ADGRL4: variants seen among roughly 807,000 people sequenced by gnomAD.
The protein encoded by ADGRL4 is adhesion G protein-coupled receptor L4.
A neutral mutation model predicts 74.8 loss-of-function variants in ADGRL4; 90 were observed. The observed-to-expected ratio is 1.20, with a 90% CI of 1.02 to 1.43. The LOEUF (loss-of-function observed/expected upper bound fraction) is 1.43, where lower values mean the gene tolerates loss of function less well. ADGRL4 is among the 40% of genes most tolerant of loss of function. ADGRL4 has a pLI of 0.00. For missense variants in ADGRL4, 881 were observed against 814.3 expected (o/e 1.08, Z -1.00); for synonymous variants, 311 against 279.2 (o/e 1.11, Z -1.14).
chr1:78,931,075 T>C (rs1204282264), intron 7 of ADGRL4, among the ~76,000 whole-genome samples: 1 of 151,066 alleles, frequency 6.6e-6, no homozygotes, highest in Non-Finnish European at 1.5e-5. Flanking sequence ...ATTCAGCAAA[T>C]ACAGAGAGCA....
intron 12 of ADGRL4, among the ~76,000 whole-genome samples, chr1:78,916,742 A>G (rs1331946850): frequency 1.3e-5 from 2 of 151,866 alleles, no homozygotes; most frequent in Admixed American, 6.6e-5. Context: ...AAAGAAATTC[A>G]AAAAGATGGC....
chr1:78,947,021 T>C (rs900156932), intron 2 of ADGRL4, among the ~76,000 whole-genome samples: 1 of 152,200 alleles, frequency 6.6e-6, no homozygotes, highest in African/African-American at 2.4e-5. Context: ...TCTTACAATA[T>C]AATTTATCAG....
chr1:78,893,735 A>G (rs1169624604), intron 12 of ADGRL4, among the ~76,000 whole-genome samples: 1 of 151,928 alleles, frequency 6.6e-6, no homozygotes, highest in African/African-American at 2.4e-5. Flanking sequence ...CCTTGATTTA[A>G]CCGTGGATGC....
intron 2 of ADGRL4, among the ~76,000 whole-genome samples, chr1:78,972,671 CTGCTTAT>C (rs1270597542): frequency 2.6e-5 from 4 of 152,194 alleles, no homozygotes; most frequent in African/African-American, 9.7e-5. Context: ...ATAAATGAAT[CTGCTTAT>C]TGCCGAAGCA....
In ADGRL4 at chr1:78,891,677, T is replaced by A; in HGVS notation, c.1857A>T (p.Gly619=). ...CFENIRSCAR[G]ALALLFLLGT... ...CGAGAAGGAACAGAAGAGCGAGGGC[T>A]CCTCTTGCACAAGACCTATCACATA... The change falls in exon 14 of 15, where the codon GGA becomes GGT. Residue 619 remains glycine (G), a synonymous_variant. Transcript: ENST00000370742. The A allele has an allele frequency of 6.2e-7, 1 of 1,611,698 alleles. No homozygotes were observed. The highest frequency in any genetic ancestry group is 8.5e-7 in the Non-Finnish European group (1 of 1,179,116).
Position 78,988,554 on chromosome 1 carries a change from A to G in ADGRL4, c.172+16516T>C, listed in dbSNP as rs148319890. Among the ~76,000 whole-genome samples, 56 of 151,984 alleles carry G rather than the reference A, an allele frequency of 3.7e-4. 1 individual carries two copies. The East Asian group carries it at 0.011, about 29-fold the overall frequency. On this transcript the variant is annotated intron_variant, in intron 2 of 14. Transcript: ENST00000370742. ...AGGTGTCTTGATACATTTCCATACA[A>G]ATCTATCTTTGTTCAAGATAAAATA...
At chr1:78,971,165 A>G (rs1054126132) in intron 2 of ADGRL4, among the ~76,000 whole-genome samples, 4 of 152,178 alleles carry the variant, frequency 2.6e-5, no homozygotes, top group Non-Finnish European at 5.9e-5. Flanking sequence ...GCCTCTAAGA[A>G]AACTCTTGAC....
chr1:78,941,231 G>A (rs1400605589), intron 3 of ADGRL4, among the ~76,000 whole-genome samples: 1 of 152,164 alleles, frequency 6.6e-6, no homozygotes, highest in African/African-American at 2.4e-5. Flanking sequence ...ATTCTAGGCT[G>A]GGCTAAAGAC....
chr1:78,911,307 G>A (rs977480806), intron 12 of ADGRL4, among the ~76,000 whole-genome samples: 5 of 151,666 alleles, frequency 3.3e-5, no homozygotes, highest in African/African-American at 1.2e-4. Context: ...TCAGAGAAAC[G>A]GTGAAAGCAA....
At chr1:78,957,709 C>T (rs116316132) in intron 2 of ADGRL4, among the ~76,000 whole-genome samples, 1,749 of 152,236 alleles carry the variant, frequency 0.011, 37 homozygotes, top group African/African-American at 0.04. Flanking sequence ...GCAGGAGGTG[C>T]TGATGTAGAA....
chr1:78,957,759 T>C (rs1257978442), intron 2 of ADGRL4, among the ~76,000 whole-genome samples: 1 of 152,164 alleles, frequency 6.6e-6, no homozygotes, highest in East Asian at 1.9e-4. Flanking sequence ...AAGATAATTG[T>C]TAAAAGTGGC....
intron 2 of ADGRL4, among the ~76,000 whole-genome samples, chr1:78,992,039 G>GCAGT (rs1041048302): frequency 2.6e-5 from 4 of 151,984 alleles, no homozygotes; most frequent in African/African-American, 9.7e-5. Context: ...AAAATACAGT[G>GCAGT]CAGTCAGTCA....
chr1:78,995,221 C>G (rs1271559687), intron 2 of ADGRL4, among the ~76,000 whole-genome samples: 1 of 152,158 alleles, frequency 6.6e-6, no homozygotes, highest in Non-Finnish European at 1.5e-5. Context: ...CGGTATAGCA[C>G]TTCTCTCACT....
At chr1:78,986,278 AG>A (rs1650493278) in intron 2 of ADGRL4, among the ~76,000 whole-genome samples, 1 of 151,802 alleles carries the variant, frequency 6.6e-6, no homozygotes, top group Non-Finnish European at 1.5e-5. Flanking sequence ...CTTATACAGC[AG>A]AACTATGACT....
intron 1 of ADGRL4, 96 bp downstream of exon 1, chr1:79,006,537 A>T (rs539991138): frequency 9.9e-6 from 14 of 1,408,158 alleles, no homozygotes; most frequent in Non-Finnish European, 1.3e-5. Context: ...TGCCAAATAC[A>T]CTTGCCATGT....
At chr1:78,948,289 G>A (rs1332848945) in intron 2 of ADGRL4, among the ~76,000 whole-genome samples, 1 of 152,146 alleles carries the variant, frequency 6.6e-6, no homozygotes, top group Non-Finnish European at 1.5e-5. Context: ...AACAAAGGTT[G>A]AGTTATCAAA....
At chr1:78,922,891 T>A (rs899700514) in intron 8 of ADGRL4, among the ~76,000 whole-genome samples, 1 of 151,918 alleles carries the variant, frequency 6.6e-6, no homozygotes, top group African/African-American at 2.4e-5. Flanking sequence ...GGATTATCAG[T>A]CAAAAAGATA....
chr1:78,931,460 C>G (rs1322740630), intron 7 of ADGRL4, among the ~76,000 whole-genome samples: 1 of 151,356 alleles, frequency 6.6e-6, no homozygotes, highest in African/African-American at 2.5e-5. Flanking sequence ...AAAACTGGTT[C>G]CAGACACTGC....
rs577062348 is a variant in ADGRL4, at chr1:79,004,406, C to A, written c.172+664G>T. ...GGGGTAGAGGTGACAACTACAGACA[C>A]GAAATTACGTAAATTTGATTATCAG... is the stretch of plus-strand genomic sequence containing the variant. On this transcript the variant is annotated intron_variant, in intron 2 of 14. Coordinates refer to ENST00000370742, the MANE Select transcript of ADGRL4 (RefSeq NM_022159.4). Among the ~76,000 whole-genome samples, 78 of 151,904 alleles carry A rather than the reference C, an allele frequency of 5.1e-4. 1 individual carries two copies. Among genetic ancestry groups the A allele is most frequent in the Non-Finnish European group, 9.0e-4 (61 of 67,942 alleles).
Sources: gnomAD v4.1 joint callset for allele counts (sites outside exome capture counted in the v4.1 genomes callset) on GRCh38, gnomAD v4.1.1 for gene constraint, MANE v1.5 for transcripts, NCBI Gene and HGNC (gene_info 2026-07-23, HGNC 2026-07-21) for gene names.